CADPS2: variants seen among roughly 807,000 people sequenced by gnomAD.
CADPS2 encodes the protein calcium dependent secretion activator 2.
A neutral mutation model predicts 172.5 loss-of-function variants in CADPS2; 93 were observed. The observed-to-expected ratio is 0.54, with a 90% CI of 0.46 to 0.64. The LOEUF (loss-of-function observed/expected upper bound fraction) is 0.64. Among genes scored for constraint, CADPS2 ranks in the 30% least tolerant of loss-of-function variants. The pLI, the probability that CADPS2 is intolerant of heterozygous loss-of-function variation, is 0.00. For missense variants in CADPS2, 1,420 were observed against 1,565.9 expected, an observed-to-expected ratio of 0.91 and a Z score of 1.57; for synonymous variants, 546 against 555.2, an observed-to-expected ratio of 0.98 and a Z score of 0.23.
rs953573931 is a variant in CADPS2 at position 122,480,805 on chromosome 7, A to C, written c.1861+47T>G. ...GATATTCCTCAAACATAGTATCATT[A>C]AAAATTTTTTAAAACATCTAATTTT... is the stretch of plus-strand genomic sequence containing the variant. On this transcript the variant is annotated intron_variant, in intron 12 of 29. Coordinates refer to ENST00000449022, the MANE Select transcript of CADPS2 (RefSeq NM_017954.11). 13 of 1,347,684 alleles carry C rather than the reference A, an allele frequency of 9.6e-6. No homozygotes were observed. The East Asian group carries it at 3.3e-4, about 34-fold the overall frequency. 83.5% of individuals were successfully genotyped at this position (1,347,684 alleles called of 1,614,324 possible).
chr7:122,477,052 AAGAGAG>A (rs541881529), intron 12 of CADPS2, among the ~76,000 whole-genome samples: 1,285 of 25,904 alleles, frequency 0.05, 130 homozygotes, highest in African/African-American at 0.18. Flanking sequence ...GGAGAGAGAG[AAGAGAG>A]AGAGAGAGAG....
At chr7:122,849,628 TTA>T in intron 1 of CADPS2, 1 of 269,230 alleles carries the variant, frequency 3.7e-6, no homozygotes, top group Non-Finnish European at 7.2e-6. Context: ...TATTAAGCAT[TTA>T]TATGTTTACT....
chr7:122,476,802 G>A (rs922772995), intron 12 of CADPS2, among the ~76,000 whole-genome samples: 1 of 152,050 alleles, frequency 6.6e-6, no homozygotes, highest in African/African-American at 2.4e-5. Flanking sequence ...TAAAACACAG[G>A]CTGTGAAGAC....
intron 1 of CADPS2, among the ~76,000 whole-genome samples, chr7:122,762,915 T>C (rs372916725): frequency 2.0e-5 from 3 of 151,734 alleles, no homozygotes; most frequent in South Asian, 2.1e-4. Flanking sequence ...AAGAGAAAGA[T>C]AGGAGGTCAT....
intron 14 of CADPS2, among the ~76,000 whole-genome samples, chr7:122,461,588 TTTG>T (rs1348146625): frequency 6.6e-6 from 1 of 152,078 alleles, no homozygotes; most frequent in Admixed American, 6.6e-5. Flanking sequence ...AAGAGCCTTT[TTTG>T]TTGTTGTTTT....
chr7:122,555,798 C>A (rs1332269923), intron 7 of CADPS2, among the ~76,000 whole-genome samples: 1 of 152,012 alleles, frequency 6.6e-6, no homozygotes, highest in Non-Finnish European at 1.5e-5. Context: ...GCCTTCTATT[C>A]TTAGATTCTA....
chr7:122,556,646 G>A (rs561216073), intron 7 of CADPS2, among the ~76,000 whole-genome samples: 4 of 152,102 alleles, frequency 2.6e-5, no homozygotes, highest in South Asian at 2.1e-4. Flanking sequence ...TCCCAATATC[G>A]AATACCATTT....
At chr7:122,816,109 G>C (rs973356806) in intron 1 of CADPS2, among the ~76,000 whole-genome samples, 5 of 151,894 alleles carry the variant, frequency 3.3e-5, no homozygotes, top group African/African-American at 1.2e-4. Flanking sequence ...CTGAACATTA[G>C]ATCTTATCCT....
intron 7 of CADPS2, among the ~76,000 whole-genome samples, chr7:122,562,695 A>G (rs781019290): frequency 9.7e-5 from 14 of 143,974 alleles, no homozygotes; most frequent in African/African-American, 3.6e-4. Flanking sequence ...ATTTCTCCTC[A>G]TAAGTGTGTG....
At chr7:122,688,046 T>C (rs888645356) in intron 2 of CADPS2, among the ~76,000 whole-genome samples, 8 of 152,232 alleles carry the variant, frequency 5.3e-5, no homozygotes, top group Non-Finnish European at 1.2e-4. Context: ...CACCTCATTG[T>C]CATTTTCCAT....
intron 3 of CADPS2, among the ~76,000 whole-genome samples, chr7:122,635,787 T>G (rs1318739996): frequency 6.6e-6 from 1 of 152,224 alleles, no homozygotes; most frequent in Non-Finnish European, 1.5e-5. Flanking sequence ...TGTGCTCCAG[T>G]GTTGGATGTG....
Position 122,724,748 on chromosome 7 carries a change from C to T in CADPS2, c.453+12207G>A, listed in dbSNP as rs534334584. ...GCAACGTTTTTTCACCTTTTTTTTT[C>T]CCATGTGTTTAAATTCTATTTCCTC... On this transcript the variant is annotated intron_variant, in intron 2 of 29. Transcript: ENST00000449022. Among the ~76,000 whole-genome samples, 446 of 150,430 alleles carry T rather than the reference C, an allele frequency of 3.0e-3. 2 individuals are homozygous for T. The highest frequency in any genetic ancestry group is 0.01 in the African/African-American group (424 of 40,978).
chr7:122,490,146 A>G lies in CADPS2; in HGVS notation c.1787T>C (p.Val596Ala), dbSNP rs773490729. ...CAGTTTCTGGGTTTGAATTGCAGGA[A>G]CTGGTTTATATGATTGACCTGTGGC... The part of the protein sequence containing the change: ...YRATGQSYKP[V>A]PAIQTQKLNP... The change falls in exon 11 of 30, where the codon GTT (valine) becomes GCT (alanine). Residue 596 changes from valine (V) to alanine (A), a missense_variant. By Grantham distance (64) the Val-to-Ala change is moderately conservative (BLOSUM62 0). Coordinates refer to ENST00000449022, the MANE Select transcript of CADPS2 (RefSeq NM_017954.11). 1.2e-6 allele frequency: 2 copies of G among 1,613,536 alleles called. No homozygotes were observed. The highest frequency in any genetic ancestry group is 1.7e-6 in the Non-Finnish European group (2 of 1,179,594).
At chr7:122,692,535 C>G (rs528313455) in intron 2 of CADPS2, among the ~76,000 whole-genome samples, 4 of 152,192 alleles carry the variant, frequency 2.6e-5, no homozygotes, top group African/African-American at 4.8e-5. Flanking sequence ...CTGCCTCCCA[C>G]GTTTCCACTG....
At chr7:122,625,340 G>A (rs182610643) in intron 4 of CADPS2, among the ~76,000 whole-genome samples, 29 of 152,222 alleles carry the variant, frequency 1.9e-4, no homozygotes, top group African/African-American at 6.7e-4. Context: ...ATGAGCCACC[G>A]CATCTAGCCC....
intron 6 of CADPS2, among the ~76,000 whole-genome samples, chr7:122,583,184 A>G (rs1487604794): frequency 1.3e-5 from 2 of 152,060 alleles, no homozygotes; most frequent in Admixed American, 1.3e-4. Context: ...CTATTCTACA[A>G]TATTTATCAC....
At chr7:122,625,823 T>C (rs1278440256) in intron 4 of CADPS2, among the ~76,000 whole-genome samples, 1 of 152,150 alleles carries the variant, frequency 6.6e-6, no homozygotes, top group African/African-American at 2.4e-5. Context: ...AACATGTATG[T>C]ATGCATAACA....
chr7:122,851,982 C>G (rs1411288022), intron 1 of CADPS2, among the ~76,000 whole-genome samples: 1 of 152,176 alleles, frequency 6.6e-6, no homozygotes, highest in Non-Finnish European at 1.5e-5. Flanking sequence ...ACTATTATCA[C>G]CCCTATATAC....
intron 9 of CADPS2, among the ~76,000 whole-genome samples, chr7:122,504,502 C>A (rs371842463): frequency 4.6e-5 from 7 of 152,156 alleles, no homozygotes; most frequent in African/African-American, 1.7e-4. Context: ...CTCCATGTTT[C>A]TGACTTCTGT....
Sources: allele counts gnomAD v4.1 joint callset (sites outside exome capture counted in the v4.1 genomes callset), GRCh38; gene constraint gnomAD v4.1.1; transcripts MANE v1.5; gene names NCBI Gene and HGNC (gene_info 2026-07-23, HGNC 2026-07-21).